RARB: variants seen among roughly 807,000 people sequenced by gnomAD.
The protein encoded by RARB is retinoic acid receptor beta, also known as HBV-activated protein.
In RARB, 17 loss-of-function variants were observed where a neutral mutation model predicts 51.9. The observed-to-expected ratio is 0.33, with a 90% confidence interval of 0.22 to 0.49. The LOEUF (loss-of-function observed/expected upper bound fraction) is 0.49. RARB is among the 20% of genes least tolerant of loss of function. The probability of loss-of-function intolerance (pLI) is 0.99; values close to 1 mark genes in which losing one functional copy is unlikely to be tolerated. For synonymous variants in RARB, 215 were observed against 195.4 expected (o/e 1.10, Z -0.84); for missense variants, 369 against 550.8 (o/e 0.67, Z 3.30).
intron 5 of RARB, among the ~76,000 whole-genome samples, chr3:25,243,448 T>G (rs1049821913): frequency 1.3e-5 from 2 of 152,200 alleles, no homozygotes; most frequent in Non-Finnish European, 2.9e-5. Context: ...TGTGGGTTTG[T>G]CATCAATAGC....
intron 2 of RARB, among the ~76,000 whole-genome samples, chr3:24,913,387 T>G (rs1695040150): frequency 2.5e-5 from 3 of 122,084 alleles, no homozygotes; most frequent in Middle Eastern, 7.7e-3. Context: ...CATAGTCTTC[T>G]TTCTCTCTCT....
intron 2 of RARB, among the ~76,000 whole-genome samples, chr3:24,943,355 T>G: frequency 6.6e-6 from 1 of 152,212 alleles, no homozygotes; most frequent in Non-Finnish European, 1.5e-5. Flanking sequence ...GCTACGCTCT[T>G]GTTATCGTAA....
rs571317793 is a variant in RARB at position 24,835,167 on chromosome 3, G to A, written c.-459+5764G>A. On this transcript the variant is annotated intron_variant, in intron 1 of 11. Coordinates refer to the RARB transcript ENST00000383772. ...GCATTGCTTTTGCCTTTTGTACTTG[G>A]TGGTCTTTGCATTCATCATGTCAAA... 1.8e-4 allele frequency among the ~76,000 whole-genome samples: 28 copies of A among 152,200 alleles called. No individual in the cohort carries two copies. In the South Asian group the frequency reaches 5.4e-3, roughly 29 times the overall value.
chr3:25,059,866 A>C lies in RARB; in HGVS notation c.-379-259A>C, dbSNP rs540109500. On this transcript the variant is annotated intron_variant, in intron 2 of 11. Coordinates refer to the RARB transcript ENST00000383772. Reference sequence around the variant, plus strand: ...AGGTTGGTAAATACGGTAGCATCTTAGAATTCCTGTGACTTTTCTCTTGAA... The same window carrying C: ...AGGTTGGTAAATACGGTAGCATCTTCGAATTCCTGTGACTTTTCTCTTGAA... Among the ~76,000 whole-genome samples, 4 of 151,846 alleles carry C rather than the reference A, an allele frequency of 2.6e-5. No individual in the cohort carries two copies. The East Asian group carries it at 5.8e-4, about 22-fold the overall frequency.
intron 2 of RARB, among the ~76,000 whole-genome samples, chr3:25,500,463 T>TTG (rs1411475272): frequency 3.1e-5 from 3 of 96,492 alleles, no homozygotes; most frequent in Admixed American, 2.9e-4. Flanking sequence ...TGTTTTTTTT[T>TTG]TTTTTTTTTT....
intron 2 of RARB, among the ~76,000 whole-genome samples, chr3:24,962,921 G>A (rs1696173178): frequency 6.6e-6 from 1 of 152,114 alleles, no homozygotes; most frequent in Non-Finnish European, 1.5e-5. Context: ...TTTTACAGAT[G>A]AGGAACTGAC....
chr3:25,136,941 G>C lies in RARB; in HGVS notation c.-280+4733G>C, dbSNP rs148182868. ...ATGGTATCAACAACCGCACAGATTT[G>C]TTGGGAGCCCAGAATGGCCCATGAT... On this transcript the variant is annotated intron_variant, in intron 4 of 11. Transcript: ENST00000383772. Among the ~76,000 whole-genome samples the C allele has an allele frequency of 1.8e-4, 28 of 151,948 alleles. 1 individual carries two copies. Among genetic ancestry groups the C allele is most frequent in the Admixed American group, 1.8e-3 (28 of 15,240 alleles).
intron 5 of RARB, among the ~76,000 whole-genome samples, chr3:25,212,294 C>G (rs566933591): frequency 3.3e-5 from 5 of 152,218 alleles, no homozygotes; most frequent in African/African-American, 9.6e-5. Flanking sequence ...ATTTTAACAA[C>G]TTTCTATTTA....
intron 1 of RARB, among the ~76,000 whole-genome samples, chr3:25,445,710 T>C (rs1030396222): frequency 2.6e-5 from 4 of 152,096 alleles, no homozygotes; most frequent in African/African-American, 9.7e-5. Context: ...AATAATTGCC[T>C]CTCAAAGTCC....
At chr3:25,227,185 C>T (rs368846505) in intron 5 of RARB, among the ~76,000 whole-genome samples, 9 of 151,998 alleles carry the variant, frequency 5.9e-5, no homozygotes, top group Non-Finnish European at 7.4e-5. Flanking sequence ...TTTGCTGAAA[C>T]GATATTGAAA....
At chr3:25,404,572 G>C (rs1213850778) in intron 5 of RARB, among the ~76,000 whole-genome samples, 1 of 152,202 alleles carries the variant, frequency 6.6e-6, no homozygotes, top group Admixed American at 6.5e-5. Context: ...ATTATGAAAA[G>C]GAAAGTTTGA....
intron 5 of RARB, among the ~76,000 whole-genome samples, chr3:25,263,751 T>G (rs1703060447): frequency 6.6e-6 from 1 of 152,162 alleles, no homozygotes; most frequent in South Asian, 2.1e-4. Context: ...GGAAGGCCAG[T>G]GTGCCAGGGA....
intron 5 of RARB, among the ~76,000 whole-genome samples, chr3:25,186,788 G>C (rs1700986767): frequency 6.6e-6 from 1 of 151,528 alleles, no homozygotes. Flanking sequence ...TATAACAAAA[G>C]ACAGATTAAC....
chr3:25,068,600 C>A (rs1283216843), intron 3 of RARB, among the ~76,000 whole-genome samples: 1 of 152,062 alleles, frequency 6.6e-6, no homozygotes, highest in Non-Finnish European at 1.5e-5. Context: ...TTAGCTAGTG[C>A]TTTCTTCTAC....
chr3:24,891,141 A>C (rs1233731867), intron 2 of RARB, among the ~76,000 whole-genome samples: 1 of 152,204 alleles, frequency 6.6e-6, no homozygotes, highest in Non-Finnish European at 1.5e-5. Flanking sequence ...TGTAAAAAGT[A>C]ATCCTACCAA....
intron 5 of RARB, among the ~76,000 whole-genome samples, chr3:25,343,963 G>A (rs2125452710): frequency 6.6e-6 from 1 of 152,278 alleles, no homozygotes; most frequent in Non-Finnish European, 1.5e-5. Context: ...ACAGGAAAGT[G>A]TAGTTTGATG....
intron 2 of RARB, among the ~76,000 whole-genome samples, chr3:24,867,933 C>T (rs963184767): frequency 6.6e-6 from 1 of 152,136 alleles, no homozygotes; most frequent in Admixed American, 6.6e-5. Context: ...AATGATTCCC[C>T]ATTGAGATAA....
intron 4 of RARB, among the ~76,000 whole-genome samples, chr3:25,575,640 C>T (rs144685013): frequency 2.6e-5 from 4 of 152,248 alleles, no homozygotes; most frequent in East Asian, 1.9e-4. Context: ...TTCTTCACAT[C>T]GTCTTCTCTC....
chr3:25,330,718 C>T (rs572145725), intron 5 of RARB, among the ~76,000 whole-genome samples: 1 of 152,208 alleles, frequency 6.6e-6, no homozygotes, highest in South Asian at 2.1e-4. Context: ...CACAGACTGG[C>T]AAATTGGATA....
Sources: gnomAD v4.1 joint callset for allele counts (sites outside exome capture counted in the v4.1 genomes callset) on GRCh38, gnomAD v4.1.1 for gene constraint, MANE v1.5 for transcripts, NCBI Gene and HGNC (gene_info 2026-07-23, HGNC 2026-07-21) for gene names.